Variants in RYK observed in about 807,000 individuals in gnomAD.
The protein encoded by RYK is receptor like tyrosine kinase, also known as inactive tyrosine-protein kinase RYK.
RYK carries 21 observed loss-of-function variants against 70.2 expected under a neutral mutation model. The observed-to-expected ratio is 0.30, with a 90% CI of 0.21 to 0.43. The LOEUF (loss-of-function observed/expected upper bound fraction) is 0.43, where lower values mean the gene tolerates loss of function less well. Among genes scored for constraint, RYK ranks in the 20% least tolerant of loss-of-function variants. RYK has a pLI of 1.00. For missense variants in RYK, 604 were observed against 753.3 expected, an observed-to-expected ratio of 0.80 and a Z score of 2.32; for synonymous variants, 267 against 278.0, an observed-to-expected ratio of 0.96 and a Z score of 0.39.
chr3:134,163,246 C>T (rs2012538732), intron 13 of RYK, among the ~76,000 whole-genome samples: 1 of 151,966 alleles, frequency 6.6e-6, no homozygotes, highest in African/African-American at 2.4e-5. Context: ...CAAACCAACC[C>T]TTAAAAAAAT....
At chr3:134,190,370 C>T (rs1267538419) in intron 8 of RYK, among the ~76,000 whole-genome samples, 1 of 152,188 alleles carries the variant, frequency 6.6e-6, no homozygotes, top group Middle Eastern at 3.4e-3. Flanking sequence ...ATATTACTCT[C>T]AAACACAGAT....
rs1046950800 is a variant in RYK, at chr3:134,250,522, C to T, written c.133G>A (p.Ala45Thr). The T allele has an allele frequency of 1.7e-5, 21 of 1,219,596 alleles. No homozygotes were observed. The African/African-American group carries it at 2.8e-4, about 17-fold the overall frequency. The allele number at this position is 1,219,596 out of a possible 1,614,324, so 75.5% of individuals were successfully genotyped here. Residue 45 changes from alanine (A) to threonine (T), a missense_variant, in exon 1 of 15, where the codon GCC (alanine) becomes ACC (threonine). Coordinates refer to ENST00000623711, the MANE Select transcript of RYK (RefSeq NM_002958.4). ...LLPLLPAPGA[A>T]AAPAPRPPEL... ...GGGGGCCGCGGGGCGGGGGCGGCGGCAGCGCCAGGCGCGGGCAGCAGCGGC... is the reference window on the plus strand; with the variant it reads ...GGGGGCCGCGGGGCGGGGGCGGCGGTAGCGCCAGGCGCGGGCAGCAGCGGC...
At chr3:134,203,699 A>C (rs2014102107) in intron 5 of RYK, among the ~76,000 whole-genome samples, 1 of 152,376 alleles carries the variant, frequency 6.6e-6, no homozygotes, top group South Asian at 2.1e-4. Flanking sequence ...ACAGTCACTC[A>C]CAAGTGGTAT....
chr3:134,162,259 C>T (rs1317133528), intron 13 of RYK, among the ~76,000 whole-genome samples: 2 of 146,834 alleles, frequency 1.4e-5, no homozygotes, highest in Admixed American at 1.4e-4. Context: ...TTGGTGGAGA[C>T]GCAGGACACA....
rs1553713565 is a variant in RYK, at chr3:134,250,505, C to CGGAGCG, written c.149_150insCGCTCC (p.Ala49_Pro50dup). 2.4e-6 allele frequency: 3 copies of CGGAGCG among 1,266,922 alleles called. No homozygotes were observed. The African/African-American group carries it at 4.7e-5, about 20-fold the overall frequency. 78.5% of individuals were successfully genotyped at this position (1,266,922 alleles called of 1,614,324 possible). A position where few individuals can be genotyped will look rare whatever the true frequency, so the allele number is the denominator to read the frequency against. ...AAGCCGACTGCAGCTCCGGGGGCCG[C>CGGAGCG]GGGGCGGGGGCGGCGGCAGCGCCAG... On this transcript the variant is annotated inframe_insertion, in exon 1 of 15. Transcript: ENST00000623711.
intron 1 of RYK, among the ~76,000 whole-genome samples, chr3:134,248,238 G>A (rs1463876728): frequency 6.6e-6 from 1 of 152,080 alleles, no homozygotes; most frequent in Admixed American, 6.5e-5. Flanking sequence ...TCTCGCCCCC[G>A]GGGATAGACA....
chr3:134,216,687 G>A (rs966503718), intron 2 of RYK, among the ~76,000 whole-genome samples: 2 of 150,442 alleles, frequency 1.3e-5, no homozygotes, highest in Non-Finnish European at 3.0e-5. Flanking sequence ...CAGCTATTCA[G>A]GAGGCTGAGG....
rs1344560774 is a variant in RYK at position 134,195,093 on chromosome 3, G to A, written c.878C>T (p.Thr293Ile). The change falls in exon 7 of 15, where the codon ACT becomes ATT. Residue 293 changes from threonine to isoleucine, a missense_variant. By Grantham distance (89) the Thr-to-Ile change is moderately conservative (BLOSUM62 -1). Around this residue, in one of 2 missense-constraint regions of RYK, gnomAD observed 466 missense variants for 535.9 expected, o/e 0.87. Coordinates refer to ENST00000623711, the MANE Select transcript of RYK (RefSeq NM_002958.4). ...AAATTAACTCTTACTGGTGATAGGA[G>A]TTGCATTGTTGGGCGTGTCTGCTCT... ...YLRADTPNNA[T>I]PITSYPTLRI... 6 of 1,610,864 alleles carry A rather than the reference G, an allele frequency of 3.7e-6. No individual in the cohort carries two copies. The highest frequency in any genetic ancestry group is 1.1e-5 in the South Asian group (1 of 91,010).
chr3:134,177,843 C>T (rs1206585080), intron 11 of RYK, 98 bp downstream of exon 11: 10 of 1,062,626 alleles, frequency 9.4e-6, no homozygotes, highest in Admixed American at 2.6e-5. Flanking sequence ...TTTTGCAGGC[C>T]TCTAAACAGT....
At chr3:134,232,769 T>A (rs1576534365) in intron 1 of RYK, among the ~76,000 whole-genome samples, 1 of 152,362 alleles carries the variant, frequency 6.6e-6, no homozygotes, top group East Asian at 1.9e-4. Context: ...GTGAGACATG[T>A]TTCTGTAACA....
intron 13 of RYK, among the ~76,000 whole-genome samples, chr3:134,164,793 T>C (rs149056128): frequency 0.029 from 4,421 of 152,356 alleles, 93 homozygotes; most frequent in Non-Finnish European, 0.048. Flanking sequence ...TTTAACATTT[T>C]AAGAAATTGC....
At chr3:134,200,204 T>C (rs1270168641) in intron 6 of RYK, among the ~76,000 whole-genome samples, 3 of 152,148 alleles carry the variant, frequency 2.0e-5, no homozygotes. Flanking sequence ...TAAATCTTGC[T>C]GCTGCTCACT....
Position 134,159,329 on chromosome 3 carries a change from C to T in RYK, c.1620G>A (p.Gln540=). The T allele has an allele frequency of 6.2e-7, 1 of 1,613,888 alleles. No individual in the cohort carries two copies. The highest frequency in any genetic ancestry group is 8.5e-7 in the Non-Finnish European group (1 of 1,179,838). ...AGGGGTCAATGTCCACGTAGGGAGT[C>T]TGGCCCAGAGTCATGAGTTCCCACA... ...VTLWELMTLG[Q]TPYVDIDPFE... is the part of the protein sequence containing the mutation. The change falls in exon 14 of 15, where the codon CAG becomes CAA. Residue 540 remains glutamine, a synonymous_variant. Transcript: ENST00000623711.
chr3:134,169,350 T>G (rs2012812031), intron 13 of RYK, among the ~76,000 whole-genome samples: 1 of 152,148 alleles, frequency 6.6e-6, no homozygotes, highest in African/African-American at 2.4e-5. Context: ...ATTAGCTAAG[T>G]AATTCAAAGA....
At chr3:134,197,849 T>C (rs1368476491) in intron 6 of RYK, among the ~76,000 whole-genome samples, 1 of 152,222 alleles carries the variant, frequency 6.6e-6, no homozygotes, top group African/African-American at 2.4e-5. Flanking sequence ...TCCATTAACT[T>C]AACAGTAGGT....
chr3:134,206,457 C>G (rs745330166), intron 5 of RYK, among the ~76,000 whole-genome samples: 1 of 103,792 alleles, frequency 9.6e-6, no homozygotes, highest in Non-Finnish European at 2.2e-5. Context: ...CTGATTAATA[C>G]AAAACATATA....
intron 10 of RYK, 40 bp downstream of exon 10, chr3:134,182,962 C>A: frequency 7.5e-7 from 1 of 1,342,234 alleles, no homozygotes; most frequent in Non-Finnish European, 1.0e-6. Context: ...TCAAGTGTTG[C>A]CATGCTCAAC....
At chr3:134,181,047 T>A (rs1288271870) in intron 10 of RYK, 1 of 152,228 alleles carries the variant, frequency 6.6e-6, no homozygotes. Flanking sequence ...AAGACATCTT[T>A]AAGGCTACAG....
chr3:134,223,802 T>C (rs2014807097), intron 1 of RYK, among the ~76,000 whole-genome samples: 1 of 152,140 alleles, frequency 6.6e-6, no homozygotes, highest in African/African-American at 2.4e-5. Flanking sequence ...ACAGCCAAAA[T>C]GCAAATTTCA....
Sources: allele counts gnomAD v4.1 joint callset (sites outside exome capture counted in the v4.1 genomes callset), GRCh38; gene constraint gnomAD v4.1.1; regional missense constraint gnomAD v4.1.1; transcripts MANE v1.5; gene names NCBI Gene and HGNC (gene_info 2026-07-23, HGNC 2026-07-21).